DACH1: variants seen among roughly 807,000 people sequenced by gnomAD.
DACH1 encodes dachshund family transcription factor 1, also known as dachshund homolog 1.
A neutral mutation model predicts 54.2 loss-of-function variants in DACH1; 12 were observed. That is an observed-to-expected ratio of 0.22 (90% CI 0.14 to 0.36). The LOEUF is 0.36. DACH1 is among the 10% of genes least tolerant of loss of function. The probability of loss-of-function intolerance (pLI) is 1.00; values close to 1 mark genes in which losing one functional copy is unlikely to be tolerated. For synonymous variants in DACH1, 386 were observed against 366.2 expected (o/e 1.05, Z -0.62); for missense variants, 805 against 929.8 (o/e 0.87, Z 1.75).
intron 1 of DACH1, among the ~76,000 whole-genome samples, chr13:71,808,695 G>A (rs898607466): frequency 1.3e-5 from 2 of 152,106 alleles, no homozygotes; most frequent in Non-Finnish European, 2.9e-5. Flanking sequence ...GAGAAGTTTA[G>A]TCAATACAGT....
intron 10 of DACH1, among the ~76,000 whole-genome samples, chr13:71,461,912 A>G (rs1172837455): frequency 6.6e-6 from 1 of 152,016 alleles, no homozygotes; most frequent in African/African-American, 2.4e-5. Context: ...TTCTGTTAAG[A>G]TGACTTCATA....
intron 8 of DACH1, 85 bp from the exon 9 acceptor site, chr13:71,475,934 A>G: frequency 9.5e-7 from 1 of 1,055,348 alleles, no homozygotes; most frequent in Non-Finnish European, 1.3e-6. Flanking sequence ...TATTTTTTAT[A>G]TTATTCATTT....
intron 1 of DACH1, among the ~76,000 whole-genome samples, chr13:71,695,791 G>A (rs1165741773): frequency 6.6e-6 from 1 of 152,212 alleles, no homozygotes; most frequent in Non-Finnish European, 1.5e-5. Flanking sequence ...GTCCATTACA[G>A]AGGGCAGCAA....
chr13:71,695,328 C>T (rs940101229), intron 1 of DACH1, among the ~76,000 whole-genome samples: 3 of 152,158 alleles, frequency 2.0e-5, no homozygotes, highest in East Asian at 3.9e-4. Context: ...ATGCAAAGGC[C>T]GATTCTAGAT....
chr13:71,576,762 A>G (rs1368581914), intron 3 of DACH1, among the ~76,000 whole-genome samples: 1 of 152,096 alleles, frequency 6.6e-6, no homozygotes, highest in Non-Finnish European at 1.5e-5. Flanking sequence ...ACTCTAGTTA[A>G]CTGTCATCTC....
At chr13:71,783,975 A>AC (rs1299076722) in intron 1 of DACH1, among the ~76,000 whole-genome samples, 1 of 150,796 alleles carries the variant, frequency 6.6e-6, no homozygotes, top group East Asian at 1.9e-4. Context: ...AAAAAAAAAA[A>AC]AAAAACAAAA....
At position 71,550,850 on chromosome 13, in the gene DACH1, T is replaced by C. The variant is rs76964639; in HGVS notation, c.1570+6174A>G. Among the ~76,000 whole-genome samples, 534 of 152,162 alleles carry C rather than the reference T, an allele frequency of 3.5e-3. 1 individual carries two copies. The highest frequency in any genetic ancestry group is 0.017 in the Middle Eastern group (5 of 294). ...ATGGAAACTGAGGAGGAAAATTACA[T>C]AGGTAGGTAATAGAATATTTTACAG... On this transcript the variant is annotated intron_variant, in intron 6 of 10. Transcript: ENST00000613252.
chr13:71,717,679 C>T (rs542874756), intron 1 of DACH1, among the ~76,000 whole-genome samples: 10 of 151,074 alleles, frequency 6.6e-5, no homozygotes, highest in South Asian at 2.1e-4. Context: ...AATATAAAGT[C>T]GATGGAAAAA....
chr13:71,539,844 A>C (rs997126505), intron 6 of DACH1, among the ~76,000 whole-genome samples: 3 of 152,076 alleles, frequency 2.0e-5, no homozygotes, highest in Non-Finnish European at 4.4e-5. Context: ...TGGAAAAGGA[A>C]GGGCAATACA....
At chr13:71,858,651 C>T (rs1874157900) in intron 1 of DACH1, among the ~76,000 whole-genome samples, 1 of 151,598 alleles carries the variant, frequency 6.6e-6, no homozygotes. Context: ...ATTTTGTAAC[C>T]TTAGACCAAC....
At chr13:71,698,146 A>G (rs1881926660) in intron 1 of DACH1, among the ~76,000 whole-genome samples, 1 of 152,298 alleles carries the variant, frequency 6.6e-6, no homozygotes, top group South Asian at 2.1e-4. Context: ...GAGCCGCGCC[A>G]CTGCACTCCA....
chr13:71,805,316 A>T (rs1424592113), intron 1 of DACH1, among the ~76,000 whole-genome samples: 1 of 152,186 alleles, frequency 6.6e-6, no homozygotes, highest in Non-Finnish European at 1.5e-5. Flanking sequence ...TGAGACGCAA[A>T]CACTCAACTA....
chr13:71,507,297 T>C (rs573257099), intron 6 of DACH1, among the ~76,000 whole-genome samples: 56 of 152,306 alleles, frequency 3.7e-4, no homozygotes, highest in Non-Finnish European at 7.1e-4. Context: ...TTCTAAAATC[T>C]ATTCCCCAAC....
chr13:71,506,535 A>G (rs1222492625), intron 6 of DACH1, among the ~76,000 whole-genome samples: 2 of 151,924 alleles, frequency 1.3e-5, no homozygotes, highest in Non-Finnish European at 2.9e-5. Context: ...CCAGTCTATC[A>G]TTGTTGGACA....
rs754768670 is a variant in DACH1, at chr13:71,681,777, A to G, written c.964+18T>C. ...CTGATTTTTAATATTTTTTGGCATA[A>G]GTGAGTAGCAGTCTTACCTGTTGGT... On this transcript the variant is annotated intron_variant, in intron 2 of 10. Coordinates refer to ENST00000613252, the MANE Select transcript of DACH1 (RefSeq NM_080759.6). The G allele has an allele frequency of 1.3e-6, 2 of 1,587,350 alleles. No individual in the cohort carries two copies. The highest frequency in any genetic ancestry group is 1.7e-6 in the Non-Finnish European group (2 of 1,158,414).
intron 6 of DACH1, among the ~76,000 whole-genome samples, chr13:71,539,616 T>C (rs1363018708): frequency 3.3e-5 from 5 of 152,100 alleles, no homozygotes; most frequent in African/African-American, 4.8e-5. Flanking sequence ...ATTTCTGCTT[T>C]CCTAAATAAA....
chr13:71,506,307 C>A (rs1880320058), intron 6 of DACH1, among the ~76,000 whole-genome samples: 1 of 123,960 alleles, frequency 8.1e-6, no homozygotes, highest in Admixed American at 1.1e-4. Context: ...CCACAACAGT[C>A]CCCAGAGTGT....
At chr13:71,644,607 T>C (rs1348464433) in intron 2 of DACH1, among the ~76,000 whole-genome samples, 1 of 152,178 alleles carries the variant, frequency 6.6e-6, no homozygotes, top group Non-Finnish European at 1.5e-5. Flanking sequence ...GCTGGCTCTG[T>C]ACTAACGGGG....
At chr13:71,606,838 A>G (rs929298522) in intron 3 of DACH1, among the ~76,000 whole-genome samples, 2 of 152,176 alleles carry the variant, frequency 1.3e-5, no homozygotes, top group Middle Eastern at 3.4e-3. Context: ...GTAGCAAAAG[A>G]TCCATCAATT....
Sources: allele counts gnomAD v4.1 joint callset (sites outside exome capture counted in the v4.1 genomes callset), GRCh38; gene constraint gnomAD v4.1.1; transcripts MANE v1.5; gene names NCBI Gene and HGNC (gene_info 2026-07-23, HGNC 2026-07-21).